The following TMEM178B variants were observed in gnomAD, a reference collection of about 807,000 sequenced individuals.
TMEM178B encodes the protein transmembrane protein 178B.
TMEM178B carries 5 observed loss-of-function variants against 31.0 expected under a neutral mutation model. The observed-to-expected ratio is 0.16, with a 90% CI of 0.08 to 0.34. The LOEUF (loss-of-function observed/expected upper bound fraction) is 0.34. Among genes scored for constraint, TMEM178B ranks in the 10% least tolerant of loss-of-function variants. The pLI, the probability that TMEM178B is intolerant of heterozygous loss-of-function variation, is 1.00. For synonymous variants in TMEM178B, 164 were observed against 164.0 expected (o/e 1.00, Z 0.00); for missense variants, 275 against 400.3 (o/e 0.69, Z 2.67).
At chr7:141,232,522 T>C (rs1324764945) in intron 2 of TMEM178B, among the ~76,000 whole-genome samples, 2 of 152,210 alleles carry the variant, frequency 1.3e-5, no homozygotes, top group Non-Finnish European at 2.9e-5. Flanking sequence ...TGAGATGGTA[T>C]CTCATTGTGG....
intron 2 of TMEM178B, among the ~76,000 whole-genome samples, chr7:141,224,510 T>C (rs1423799124): frequency 6.6e-6 from 1 of 152,242 alleles, no homozygotes; most frequent in Non-Finnish European, 1.5e-5. Flanking sequence ...AGATTCTTGC[T>C]CACCACTCAG....
At chr7:141,329,668 A>C (rs1188476677) in intron 2 of TMEM178B, among the ~76,000 whole-genome samples, 1 of 152,216 alleles carries the variant, frequency 6.6e-6, no homozygotes, top group African/African-American at 2.4e-5. Context: ...GCCACTGCAG[A>C]TGTGTTGGGG....
At chr7:141,441,970 C>T (rs996887798) in intron 3 of TMEM178B, among the ~76,000 whole-genome samples, 3 of 152,178 alleles carry the variant, frequency 2.0e-5, no homozygotes, top group African/African-American at 7.2e-5. Context: ...CCAGTTTTCC[C>T]TTTGGCAGGG....
intron 1 of TMEM178B, among the ~76,000 whole-genome samples, chr7:141,088,372 A>G (rs1201882872): frequency 6.6e-6 from 1 of 151,984 alleles, no homozygotes; most frequent in Non-Finnish European, 1.5e-5. Context: ...CTGGCTTTCC[A>G]GACACTGTTC....
chr7:141,301,355 T>G (rs751236092), intron 2 of TMEM178B, among the ~76,000 whole-genome samples: 7 of 152,254 alleles, frequency 4.6e-5, no homozygotes, highest in South Asian at 2.1e-4. Flanking sequence ...CTGGTTCTTT[T>G]ACCAAAAGTG....
At chr7:141,502,769 T>TAAAAAAA in the TMEM178B span, among the ~76,000 whole-genome samples, 1 of 146,268 alleles carries the variant, frequency 6.8e-6, no homozygotes, top group African/African-American at 2.6e-5. Flanking sequence ...AAACTCAGTC[T>TAAAAAAA]AAAAAAAAAA....
At chr7:141,266,469 T>A (rs1413331059) in intron 2 of TMEM178B, among the ~76,000 whole-genome samples, 1 of 152,186 alleles carries the variant, frequency 6.6e-6, no homozygotes, top group Non-Finnish European at 1.5e-5. Context: ...GAGCTGTTTG[T>A]TCTGGAAAAC....
At chr7:141,095,613 G>C (rs1038303713) in intron 1 of TMEM178B, among the ~76,000 whole-genome samples, 6 of 152,058 alleles carry the variant, frequency 3.9e-5, no homozygotes, top group Non-Finnish European at 8.8e-5. Context: ...TTTGCTTTCT[G>C]TCTTTCAGCA....
chr7:141,461,122 C>T lies in TMEM178B; in HGVS notation c.635-9414C>T, dbSNP rs1336114048. Among the ~76,000 whole-genome samples, 4 of 152,116 alleles carry T rather than the reference C, an allele frequency of 2.6e-5. No homozygotes were observed. The East Asian group carries it at 7.7e-4, about 29-fold the overall frequency. On this transcript the variant is annotated intron_variant, in intron 3 of 3. Coordinates refer to ENST00000565468, the MANE Select transcript of TMEM178B (RefSeq NM_001195278.2). This position sits in a 1 kb window ranked among gnomAD's most constrained non-coding sequence, Gnocchi z 4.0. ...ATGTGCCACTGTTGAAGGAGGAGGCCCTCTCCTTCTGTTTGCTGATTTGGT... is the reference window on the plus strand; with the variant it reads ...ATGTGCCACTGTTGAAGGAGGAGGCTCTCTCCTTCTGTTTGCTGATTTGGT...
At chr7:141,330,083 GC>G (rs947960702) in intron 2 of TMEM178B, among the ~76,000 whole-genome samples, 1 of 148,428 alleles carries the variant, frequency 6.7e-6, no homozygotes, top group Non-Finnish European at 1.5e-5. Context: ...CTATTGAAGG[GC>G]TTTTTTTTTT....
At chr7:141,381,265 A>G (rs1473357819) in intron 2 of TMEM178B, among the ~76,000 whole-genome samples, 2 of 152,228 alleles carry the variant, frequency 1.3e-5, no homozygotes, top group Non-Finnish European at 1.5e-5. Context: ...GGCCTTGCTC[A>G]CATCTCTTAA....
intron 2 of TMEM178B, among the ~76,000 whole-genome samples, chr7:141,272,057 A>G (rs1798194228): frequency 1.3e-5 from 2 of 152,174 alleles, no homozygotes; most frequent in Non-Finnish European, 2.9e-5. Flanking sequence ...TGGACATCCC[A>G]GACAGAAGTG....
At chr7:141,462,163 C>G (rs1424203849) in intron 3 of TMEM178B, among the ~76,000 whole-genome samples, 1 of 152,164 alleles carries the variant, frequency 6.6e-6, no homozygotes, top group Non-Finnish European at 1.5e-5. Context: ...TCTCTTAGCC[C>G]AGGACTTTCT....
At chr7:141,430,384 A>G (rs932860341) in intron 2 of TMEM178B, among the ~76,000 whole-genome samples, 2 of 152,230 alleles carry the variant, frequency 1.3e-5, no homozygotes, top group African/African-American at 2.4e-5. Context: ...TTACACTTAT[A>G]TAGCTCTAGC....
chr7:141,507,266 T>G, the TMEM178B span, among the ~76,000 whole-genome samples: 38 of 152,364 alleles, frequency 2.5e-4, 1 homozygote, highest in South Asian at 5.2e-3. Context: ...GTTTCCCTTC[T>G]GCACTGCCCT....
At chr7:141,177,839 G>C (rs989995268) in intron 1 of TMEM178B, among the ~76,000 whole-genome samples, 14 of 151,984 alleles carry the variant, frequency 9.2e-5, no homozygotes, top group African/African-American at 3.4e-4. Flanking sequence ...ATGTGTCTTT[G>C]CACATGAGAT....
chr7:141,288,327 A>G (rs776460724), intron 2 of TMEM178B, among the ~76,000 whole-genome samples: 79 of 152,016 alleles, frequency 5.2e-4, no homozygotes, highest in Non-Finnish European at 3.7e-4. Context: ...TTTCTCCCCA[A>G]TAATGTTTTC....
At chr7:141,320,243 T>C (rs1400529272) in intron 2 of TMEM178B, among the ~76,000 whole-genome samples, 1 of 152,194 alleles carries the variant, frequency 6.6e-6, no homozygotes, top group Non-Finnish European at 1.5e-5. Context: ...CTTTTTTTCT[T>C]TGTAAATTAC....
rs1329353064 is a variant in TMEM178B, at chr7:141,215,788, TTCTTTCTTTCTTTCTTTC to T, written c.496+3086_496+3103del. Among the ~76,000 whole-genome samples, 192 of 67,718 alleles carry T rather than the reference TTCTTTCTTTCTTTCTTTC, an allele frequency of 2.8e-3. 1 individual carries two copies. Among genetic ancestry groups the T allele is most frequent in the African/African-American group, 9.5e-3 (190 of 19,990 alleles). The allele number at this position is 67,718 out of a possible 152,430, so 44.4% of individuals were successfully genotyped here. On this transcript the variant is annotated intron_variant, in intron 2 of 3. Coordinates refer to ENST00000565468, the MANE Select transcript of TMEM178B (RefSeq NM_001195278.2). ...GAATTATATACTTTCCTTTCTTTCT[TTCTTTCTTTCTTTCTTTC>T]TTTCTTTCTTTCTTTCTTTCTTTCT...
Sources: gnomAD v4.1 joint callset for allele counts (sites outside exome capture counted in the v4.1 genomes callset) on GRCh38, gnomAD v4.1.1 for gene constraint, Gnocchi (gnomAD v3.1) non-coding constraint, MANE v1.5 for transcripts, NCBI Gene and HGNC (gene_info 2026-07-23, HGNC 2026-07-21) for gene names.